The following LYRM1 variants were observed in gnomAD, a reference collection of about 807,000 sequenced individuals.
LYRM1 encodes LYR motif containing 1.
LYRM1 carries 14 observed loss-of-function variants against 14.9 expected under a neutral mutation model. The ratio of observed to expected loss-of-function variants is 0.94; its 90% confidence interval spans 0.62 to 1.47. The LOEUF (loss-of-function observed/expected upper bound fraction) is 1.47. Among genes scored for constraint, LYRM1 ranks in the 40% most tolerant of loss-of-function variants. The probability of loss-of-function intolerance (pLI) is 0.00; values close to 1 mark genes in which losing one functional copy is unlikely to be tolerated. For synonymous variants in LYRM1, 43 were observed against 56.2 expected, an observed-to-expected ratio of 0.77 and a Z score of 1.05; for missense variants, 153 against 149.9, an observed-to-expected ratio of 1.02 and a Z score of -0.11.
intron 1 of LYRM1, among the ~76,000 whole-genome samples, chr16:20,915,034 T>C (rs1015238696): frequency 6.6e-6 from 1 of 152,252 alleles, no homozygotes; most frequent in Non-Finnish European, 1.5e-5. Context: ...GCAAACGATG[T>C]GGTTAAGCAA....
At chr16:20,913,151 G>A (rs1316531492) in intron 1 of LYRM1, among the ~76,000 whole-genome samples, 1 of 151,142 alleles carries the variant, frequency 6.6e-6, no homozygotes, top group Non-Finnish European at 1.5e-5. Context: ...TATGTGTAAA[G>A]ATATGCACAA....
At chr16:20,921,509 C>T (rs2083187466) in intron 3 of LYRM1, 1 of 152,034 alleles carries the variant, frequency 6.6e-6, no homozygotes, top group South Asian at 2.1e-4. Flanking sequence ...AAGTGATTCT[C>T]ATTCCTCAAC....
intron 3 of LYRM1, chr16:20,922,088 G>C (rs1054676210): frequency 5.3e-5 from 8 of 151,590 alleles, no homozygotes; most frequent in Admixed American, 2.0e-4. Flanking sequence ...GGGTTCAAGG[G>C]ATTCACCTGC....
intron 2 of LYRM1, among the ~76,000 whole-genome samples, chr16:20,918,226 C>T (rs2083007322): frequency 1.3e-5 from 2 of 152,082 alleles, no homozygotes; most frequent in Non-Finnish European, 2.9e-5. Context: ...CCCAATAAAC[C>T]TTTGCAAGCT....
intron 2 of LYRM1, among the ~76,000 whole-genome samples, chr16:20,915,929 G>A (rs1029205364): frequency 6.6e-6 from 1 of 152,148 alleles, no homozygotes; most frequent in Non-Finnish European, 1.5e-5. Context: ...AAGCCAGCCA[G>A]TAAGTGGCTC....
At chr16:20,910,853 T>G (rs1596726620) in intron 1 of LYRM1, among the ~76,000 whole-genome samples, 1 of 152,202 alleles carries the variant, frequency 6.6e-6, no homozygotes, top group East Asian at 1.9e-4. Context: ...TCAAGTGTCT[T>G]GCAGTCAAGG....
At chr16:20,921,995 CT>C (rs34521926) in intron 3 of LYRM1, 23,187 of 145,536 alleles carry the variant, frequency 0.16, 1,758 homozygotes, top group Middle Eastern at 0.22. Context: ...CTCCCTCAAT[CT>C]TTTTTTTTTT....
At chr16:20,914,277 C>CTTTTTTTTTTTTTTTTTTTTTTTTTTT (rs3054656) in intron 1 of LYRM1, among the ~76,000 whole-genome samples, 1 of 109,300 alleles carries the variant, frequency 9.1e-6, no homozygotes, top group Non-Finnish European at 1.8e-5. Flanking sequence ...ACAGTCGTCA[C>CTTTTTTTTTTTTTTTTTTTTTTTTTTT]TTTTTTTTTT....
intron 2 of LYRM1, among the ~76,000 whole-genome samples, chr16:20,918,316 C>T (rs191493977): frequency 5.3e-5 from 8 of 152,100 alleles, no homozygotes; most frequent in African/African-American, 1.7e-4. Context: ...TGGATTGGCT[C>T]GAGGAGTGAG....
intron 1 of LYRM1, among the ~76,000 whole-genome samples, chr16:20,907,579 C>T (rs2082386240): frequency 6.6e-6 from 1 of 152,070 alleles, no homozygotes; most frequent in African/African-American, 2.4e-5. Flanking sequence ...CCAGGCTGGT[C>T]TCAAACTCTT....
intron 3 of LYRM1, among the ~76,000 whole-genome samples, chr16:20,922,731 G>T (rs562283290): frequency 1.1e-4 from 16 of 152,090 alleles, no homozygotes; most frequent in Admixed American, 1.0e-3. Context: ...TTGGTGATCC[G>T]CCCACCTCAG....
At chr16:20,909,512 T>C (rs1258696398) in intron 1 of LYRM1, among the ~76,000 whole-genome samples, 3 of 152,242 alleles carry the variant, frequency 2.0e-5, no homozygotes, top group Admixed American at 6.5e-5. Context: ...CCTGATGTAT[T>C]GCTGGTAAGA....
chr16:20,900,271 A>C (rs2081972623), upstream of LYRM1: 1 of 145,992 alleles, frequency 6.8e-6, no homozygotes, highest in East Asian at 2.1e-4. Context: ...GGTCCAAACC[A>C]CCTACCATCC....
rs1406124874 is a variant in LYRM1, at chr16:20,915,620, A to G, written c.65A>G (p.Lys22Arg). The G allele has an allele frequency of 1.9e-6, 3 of 1,614,152 alleles. No homozygotes were observed. Among genetic ancestry groups the G allele is most frequent in the Non-Finnish European group, 2.5e-6 (3 of 1,180,028 alleles). ...CGCAGCATTTTCAGGCTTGCGAGGA[A>G]ATGGCAGGCGACATCAGGGCAGATG... ...LYRSIFRLAR[K>R]WQATSGQMED... Residue 22 changes from lysine to arginine, a missense_variant, in exon 2 of 4, where the codon AAA (lysine) becomes AGA (arginine). Physicochemically the swap from Lys to Arg is conservative, Grantham distance 26. Coordinates refer to ENST00000567954, the MANE Select transcript of LYRM1 (RefSeq NM_001128302.3).
chr16:20,917,714 T>C (rs1053248647), intron 2 of LYRM1, among the ~76,000 whole-genome samples: 17 of 152,040 alleles, frequency 1.1e-4, no homozygotes, highest in African/African-American at 3.1e-4. Context: ...GCCAAGATCA[T>C]GCCACTGCAC....
intron 3 of LYRM1, 133 bp downstream of exon 3, chr16:20,920,347 G>C: frequency 1.4e-6 from 1 of 721,950 alleles, no homozygotes; most frequent in East Asian, 2.6e-5. Flanking sequence ...TTGGAAATAA[G>C]CTATCATTGC....
At chr16:20,904,559 G>T (rs919221727) in intron 1 of LYRM1, among the ~76,000 whole-genome samples, 12 of 152,028 alleles carry the variant, frequency 7.9e-5, no homozygotes, top group African/African-American at 2.9e-4. Flanking sequence ...AAATAGCTGC[G>T]GTATGATTAA....
At chr16:20,916,429 AGCGCGGTCACT>A (rs1256016936) in intron 2 of LYRM1, among the ~76,000 whole-genome samples, 1 of 152,146 alleles carries the variant, frequency 6.6e-6, no homozygotes, top group South Asian at 2.1e-4. Context: ...TAATGGATTC[AGCGCGGTCACT>A]GCTCCCCTCA....
intron 2 of LYRM1, among the ~76,000 whole-genome samples, chr16:20,918,724 A>C (rs1012882949): frequency 2.0e-5 from 3 of 152,130 alleles, no homozygotes; most frequent in Non-Finnish European, 4.4e-5. Flanking sequence ...GATTACTCTT[A>C]AGAGTTTAAT....
Sources: gnomAD v4.1 joint callset for allele counts (sites outside exome capture counted in the v4.1 genomes callset) on GRCh38, gnomAD v4.1.1 for gene constraint, MANE v1.5 for transcripts, NCBI Gene and HGNC (gene_info 2026-07-23, HGNC 2026-07-21) for gene names.